LMNTD1: variants seen among roughly 807,000 people sequenced by gnomAD.
The protein encoded by LMNTD1 is lamin tail domain-containing protein 1.
A neutral mutation model predicts 50.9 loss-of-function variants in LMNTD1; 35 were observed. That is an observed-to-expected ratio of 0.69 (90% CI 0.53 to 0.91). The LOEUF (loss-of-function observed/expected upper bound fraction) is 0.91, where lower values mean the gene tolerates loss of function less well. LMNTD1 is among the 40% of genes least tolerant of loss of function. The probability of loss-of-function intolerance (pLI) is 0.00; values close to 1 mark genes in which losing one functional copy is unlikely to be tolerated. For synonymous variants in LMNTD1, 153 were observed against 161.9 expected (o/e 0.94, Z 0.42); for missense variants, 470 against 475.5 (o/e 0.99, Z 0.11).
chr12:25,516,741 A>C (rs1940805576), intron 8 of LMNTD1, among the ~76,000 whole-genome samples: 1 of 152,042 alleles, frequency 6.6e-6, no homozygotes, highest in Non-Finnish European at 1.5e-5. Context: ...TCTGCACAGC[A>C]AAAGAAACTA....
chr12:25,521,072 A>G (rs2136048901), intron 6 of LMNTD1, among the ~76,000 whole-genome samples: 1 of 152,230 alleles, frequency 6.6e-6, no homozygotes, highest in East Asian at 1.9e-4. Flanking sequence ...CTTTTCTGCT[A>G]TTGAGTTGTA....
intron 1 of LMNTD1, among the ~76,000 whole-genome samples, chr12:25,636,367 A>G (rs974873088): frequency 6.6e-6 from 1 of 152,246 alleles, no homozygotes; most frequent in Admixed American, 6.5e-5. Context: ...CAAATGACCA[A>G]CAAACATGAA....
intron 1 of LMNTD1, among the ~76,000 whole-genome samples, chr12:25,634,480 A>G (rs1946784745): frequency 6.6e-6 from 1 of 152,202 alleles, no homozygotes; most frequent in South Asian, 2.1e-4. Flanking sequence ...AGATAATCCA[A>G]CATTATCAAG....
chr12:25,526,670 A>G (rs1407441769), intron 5 of LMNTD1, 99 bp downstream of exon 5: 1 of 773,140 alleles, frequency 1.3e-6, no homozygotes, highest in Non-Finnish European at 2.1e-6. Context: ...ACAGATCCAG[A>G]TAGAGTGATA....
chr12:25,623,550 T>C (rs535950144), intron 1 of LMNTD1, among the ~76,000 whole-genome samples: 6 of 58,072 alleles, frequency 1.0e-4, no homozygotes, highest in African/African-American at 4.6e-4. Context: ...CAAGACTCTG[T>C]CTCAAAAAAA....
At chr12:25,595,885 A>G (rs1945834176) in intron 1 of LMNTD1, among the ~76,000 whole-genome samples, 2 of 152,162 alleles carry the variant, frequency 1.3e-5, no homozygotes, top group Admixed American at 6.5e-5. Context: ...AAATAAGCTC[A>G]ATTAGAGAGG....
intron 1 of LMNTD1, among the ~76,000 whole-genome samples, chr12:25,620,453 G>A (rs1338884096): frequency 1.3e-5 from 2 of 151,364 alleles, no homozygotes; most frequent in South Asian, 2.1e-4. Context: ...TTTCTTTTTT[G>A]TTGTTTCTCT....
intron 1 of LMNTD1, among the ~76,000 whole-genome samples, chr12:25,575,114 A>G (rs1394460462): frequency 1.6e-4 from 24 of 152,090 alleles, no homozygotes; most frequent in Non-Finnish European, 4.4e-5. Flanking sequence ...TCTTTTGACT[A>G]TAAGATGCAC....
intron 1 of LMNTD1, among the ~76,000 whole-genome samples, chr12:25,640,336 C>G (rs1592130436): frequency 6.6e-6 from 1 of 151,888 alleles, no homozygotes; most frequent in African/African-American, 2.4e-5. Context: ...GTGGCAAAAC[C>G]CTGTCTCTAC....
chr12:25,552,653 A>G (rs564342293), intron 2 of LMNTD1, among the ~76,000 whole-genome samples: 1 of 150,302 alleles, frequency 6.7e-6, no homozygotes, highest in East Asian at 2.0e-4. Context: ...AGATCTGTCC[A>G]GGTGGATTTT....
chr12:25,558,343 T>C (rs1944125028), intron 1 of LMNTD1, among the ~76,000 whole-genome samples: 1 of 152,218 alleles, frequency 6.6e-6, no homozygotes. Flanking sequence ...ATTTTTCTAG[T>C]TCTTCAGATG....
intron 1 of LMNTD1, among the ~76,000 whole-genome samples, chr12:25,593,142 G>A (rs1335431698): frequency 6.7e-6 from 1 of 149,908 alleles, no homozygotes. Context: ...ACCCACCCTG[G>A]TAACTGAAGA....
At chr12:25,642,480 C>T (rs931997476) in intron 1 of LMNTD1, among the ~76,000 whole-genome samples, 3 of 152,174 alleles carry the variant, frequency 2.0e-5, no homozygotes, top group Admixed American at 2.0e-4. Flanking sequence ...CGATCTTGGA[C>T]TTCCCAGCTT....
At chr12:25,601,355 CA>C (rs955126137) in intron 1 of LMNTD1, among the ~76,000 whole-genome samples, 5 of 150,306 alleles carry the variant, frequency 3.3e-5, no homozygotes, top group Non-Finnish European at 7.4e-5. Flanking sequence ...AATGGGTGAA[CA>C]AAAAAATAGT....
intron 8 of LMNTD1, among the ~76,000 whole-genome samples, chr12:25,513,963 T>C (rs1257470776): frequency 6.8e-6 from 1 of 146,622 alleles, no homozygotes; most frequent in Non-Finnish European, 1.5e-5. Context: ...CTCAGTATCA[T>C]AAAGGTATCA....
chr12:25,622,463 G>GACC (rs1946491734), intron 1 of LMNTD1, among the ~76,000 whole-genome samples: 1 of 111,154 alleles, frequency 9.0e-6, no homozygotes, highest in Non-Finnish European at 2.0e-5. Flanking sequence ...GAGTTTGTGA[G>GACC]CCCGCCCCCC....
chr12:25,514,719 C>G (rs1940623628), intron 8 of LMNTD1, among the ~76,000 whole-genome samples: 3 of 151,644 alleles, frequency 2.0e-5, no homozygotes, highest in Admixed American at 1.3e-4. Flanking sequence ...CGGATAATCC[C>G]CAAAAATTAA....
intron 1 of LMNTD1, among the ~76,000 whole-genome samples, chr12:25,573,093 T>A (rs187764725): frequency 1.8e-4 from 28 of 152,190 alleles, no homozygotes; most frequent in African/African-American, 6.0e-4. Context: ...TAAATTCTCG[T>A]CCAACTCCCC....
intron 4 of LMNTD1, among the ~76,000 whole-genome samples, chr12:25,532,874 GA>G (rs199842521): frequency 0.016 from 2,375 of 152,122 alleles, 61 homozygotes; most frequent in African/African-American, 0.054. Flanking sequence ...TTTTTTGACA[GA>G]ACATCCTTTT....
Sources: allele counts gnomAD v4.1 joint callset (sites outside exome capture counted in the v4.1 genomes callset), GRCh38; gene constraint gnomAD v4.1.1; transcripts MANE v1.5; gene names NCBI Gene and HGNC (gene_info 2026-07-23, HGNC 2026-07-21).